SPIDR: variants seen among roughly 807,000 people sequenced by gnomAD.
The protein encoded by SPIDR is DNA repair-scaffolding protein.
SPIDR carries 93 observed loss-of-function variants against 104.6 expected under a neutral mutation model. The ratio of observed to expected loss-of-function variants is 0.89; its 90% CI spans 0.75 to 1.06. The LOEUF is 1.06. Among genes scored for constraint, SPIDR ranks in the 50% least tolerant of loss-of-function variants. The probability of loss-of-function intolerance (pLI) is 0.00; values close to 1 mark genes in which losing one functional copy is unlikely to be tolerated. For synonymous variants in SPIDR, 431 were observed against 416.9 expected (o/e 1.03, Z -0.41); for missense variants, 1,154 against 1,111.2 (o/e 1.04, Z -0.55).
At chr8:47,456,788 C>T (rs1475338137) in intron 8 of SPIDR, among the ~76,000 whole-genome samples, 1 of 152,006 alleles carries the variant, frequency 6.6e-6, no homozygotes, top group Non-Finnish European at 1.5e-5. Context: ...CCAAAGTCCA[C>T]TGTATCATTC....
intron 5 of SPIDR, among the ~76,000 whole-genome samples, chr8:47,300,565 G>C (rs2041884476): frequency 6.6e-6 from 1 of 152,102 alleles, no homozygotes; most frequent in Admixed American, 6.6e-5. Context: ...GATCTTTCCT[G>C]CTTTCTCTTG....
chr8:47,710,533 A>G (rs2081709009), intron 14 of SPIDR, among the ~76,000 whole-genome samples: 1 of 151,494 alleles, frequency 6.6e-6, no homozygotes, highest in Non-Finnish European at 1.5e-5. Flanking sequence ...CAATGGTGCA[A>G]TCTCAGCTCA....
At chr8:47,421,294 A>C (rs1381203331) in intron 7 of SPIDR, among the ~76,000 whole-genome samples, 1 of 152,142 alleles carries the variant, frequency 6.6e-6, no homozygotes, top group East Asian at 1.9e-4. Context: ...TATTTCTTGG[A>C]GGCTTTGTTC....
chr8:47,705,598 A>G (rs970346320), intron 14 of SPIDR, among the ~76,000 whole-genome samples: 1 of 152,076 alleles, frequency 6.6e-6, no homozygotes, highest in Non-Finnish European at 1.5e-5. Context: ...CATTGCTGGA[A>G]CTCCAGTCAT....
intron 8 of SPIDR, among the ~76,000 whole-genome samples, chr8:47,492,277 C>T (rs2078840816): frequency 1.3e-5 from 2 of 152,124 alleles, no homozygotes; most frequent in African/African-American, 4.8e-5. Flanking sequence ...CTGGACTGCA[C>T]CTACACATAA....
rs2080248716 is a variant in SPIDR, at chr8:47,701,957, T to C, written c.1919T>C (p.Met640Thr). The C allele has an allele frequency of 6.2e-7, 1 of 1,614,162 alleles. No homozygotes were observed. Among genetic ancestry groups the C allele is most frequent in the Non-Finnish European group, 8.5e-7 (1 of 1,180,052 alleles). The change falls in exon 14 of 20, where the codon ATG becomes ACG. Residue 640 changes from methionine to threonine, a missense_variant and splice_region_variant. By Grantham distance (81) the Met-to-Thr change is moderately conservative. Transcript: ENST00000297423. Reference protein sequence around the residue: ...VTRCLRDILQMNDLGTRCSFY... With the variant: ...VTRCLRDILQTNDLGTRCSFY... ...CAACCTTTTCTAATTCCTTTCCAGA[T>C]GAATGATCTTGGTACCCGTTGCAGT...
At chr8:47,280,080 A>G in intron 2 of SPIDR, 63 bp downstream of exon 2, 4 of 1,504,794 alleles carry the variant, frequency 2.7e-6, no homozygotes, top group Non-Finnish European at 3.6e-6. Flanking sequence ...TGTTCAGAAC[A>G]TTGTAATTAC....
chr8:47,625,140 A>G (rs1318263049), intron 10 of SPIDR, among the ~76,000 whole-genome samples: 1 of 152,228 alleles, frequency 6.6e-6, no homozygotes, highest in African/African-American at 2.4e-5. Context: ...CAAAAACTAC[A>G]TGATTATCTC....
At chr8:47,525,235 G>A (rs987468549) in intron 8 of SPIDR, among the ~76,000 whole-genome samples, 1 of 152,176 alleles carries the variant, frequency 6.6e-6, no homozygotes, top group African/African-American at 2.4e-5. Context: ...AAAACCCAGG[G>A]GGTGACTGAG....
At chr8:47,572,673 A>AAATAAATAAAT (rs780386853) in intron 8 of SPIDR, among the ~76,000 whole-genome samples, 3 of 145,808 alleles carry the variant, frequency 2.1e-5, no homozygotes, top group East Asian at 2.0e-4. Context: ...AAATTAAATT[A>AAATAAATAAAT]AAATAAATAA....
intron 8 of SPIDR, among the ~76,000 whole-genome samples, chr8:47,576,256 G>A (rs1432855946): frequency 1.3e-5 from 2 of 152,012 alleles, no homozygotes; most frequent in Non-Finnish European, 2.9e-5. Context: ...GGTTCAAGCA[G>A]TTCTCCTGCC....
At position 47,675,631 on chromosome 8, in the gene SPIDR, C is replaced by T. The variant is rs539672892; in HGVS notation, c.1685+1690C>T. ...TTTGAGACCAGCCTAGCCAACATGT[C>T]AAAACCCTATCTCTACTAAAAATAA... On this transcript the variant is annotated intron_variant, in intron 11 of 19. Transcript: ENST00000297423. Among the ~76,000 whole-genome samples, 34 of 152,176 alleles carry T rather than the reference C, an allele frequency of 2.2e-4. No individual in the cohort carries two copies. In the South Asian group the frequency reaches 6.2e-3, roughly 28 times the overall value.
chr8:47,278,321 A>ATT (rs1293830434), intron 1 of SPIDR, among the ~76,000 whole-genome samples: 6 of 137,964 alleles, frequency 4.3e-5, no homozygotes, highest in East Asian at 2.1e-4. Flanking sequence ...ACACCCAGCT[A>ATT]TTTTTTTTTT....
rs1323494009 is a variant in SPIDR at position 47,285,485 on chromosome 8, ATAC to A, written c.256+1396_256+1398del. On this transcript the variant is annotated intron_variant, in intron 3 of 19. Transcript: ENST00000297423. ...ATTCTGCTTCCCAGCTGTCATAAAA[ATAC>A]TACTTCCTCACCCAAAATGTAGTAT... 2.6e-5 allele frequency among the ~76,000 whole-genome samples: 4 copies of A among 152,328 alleles called. No individual in the cohort carries two copies. In the East Asian group the frequency reaches 7.7e-4, roughly 29 times the overall value.
intron 5 of SPIDR, among the ~76,000 whole-genome samples, chr8:47,332,830 C>T (rs1554605449): frequency 9.7e-6 from 1 of 103,454 alleles, no homozygotes; most frequent in Non-Finnish European, 1.9e-5. Context: ...GTCCTTCGCC[C>T]ACTTTTTGAT....
At chr8:47,484,263 C>G (rs1414482879) in intron 8 of SPIDR, among the ~76,000 whole-genome samples, 2 of 152,238 alleles carry the variant, frequency 1.3e-5, no homozygotes, top group Admixed American at 6.5e-5. Flanking sequence ...AAAATAGTAA[C>G]TTTTGATGAG....
At chr8:47,337,148 G>A (rs909343132) in intron 5 of SPIDR, among the ~76,000 whole-genome samples, 3 of 152,042 alleles carry the variant, frequency 2.0e-5, no homozygotes, top group Non-Finnish European at 4.4e-5. Context: ...TCTTTTTTGA[G>A]ACAGAGTCTT....
chr8:47,713,582 C>G lies in SPIDR; in HGVS notation c.2282C>G (p.Pro761Arg), dbSNP rs371194976. The change falls in exon 16 of 20, where the codon CCG (proline) becomes CGG (arginine). Residue 761 changes from proline to arginine, a missense_variant. Transcript: ENST00000297423. ...SGASSCELPG[P>R]VMLDSLDSAT... ...GCAAGTTCCTGTGAGCTGCCTGGCCCGGTGATGCTCGACAGCCTGGACTCT... is the reference window on the plus strand; with the variant it reads ...GCAAGTTCCTGTGAGCTGCCTGGCCGGGTGATGCTCGACAGCCTGGACTCT... 3 of 1,614,128 alleles carry G rather than the reference C, an allele frequency of 1.9e-6. No homozygotes were observed. In the South Asian group the frequency reaches 3.3e-5, roughly 18 times the overall value.
At chr8:47,486,913 C>T (rs1385717827) in intron 8 of SPIDR, among the ~76,000 whole-genome samples, 3 of 152,128 alleles carry the variant, frequency 2.0e-5, no homozygotes, top group African/African-American at 7.2e-5. Flanking sequence ...ATTGTAAAGA[C>T]CATCAATGCT....
Sources: allele counts gnomAD v4.1 joint callset (sites outside exome capture counted in the v4.1 genomes callset), GRCh38; gene constraint gnomAD v4.1.1; transcripts MANE v1.5; gene names NCBI Gene and HGNC (gene_info 2026-07-23, HGNC 2026-07-21).